DLC1: variants seen among roughly 807,000 people sequenced by gnomAD.
DLC1 encodes the protein DLC1 Rho GTPase activating protein.
Under a neutral mutation model 140.3 loss-of-function variants are expected in DLC1, and 54 were observed. That is an observed-to-expected ratio of 0.38 (90% CI 0.31 to 0.48). DLC1 has a LOEUF of 0.48. Among genes scored for constraint, DLC1 ranks in the 20% least tolerant of loss-of-function variants. DLC1 has a pLI of 0.96. For synonymous variants in DLC1, 986 were observed against 728.1 expected, an observed-to-expected ratio of 1.35 and a Z score of -5.70; for missense variants, 2,536 against 1,907.0, an observed-to-expected ratio of 1.33 and a Z score of -6.14.
chr8:13,539,847 G>C (rs2117328577), intron 1 of DLC1, among the ~76,000 whole-genome samples: 1 of 152,112 alleles, frequency 6.6e-6, no homozygotes, highest in East Asian at 1.9e-4. Flanking sequence ...TGAGAAGGGT[G>C]GGTGTAGGAC....
intron 4 of DLC1, among the ~76,000 whole-genome samples, chr8:13,314,404 T>A (rs1171485773): frequency 1.3e-5 from 2 of 151,280 alleles, no homozygotes; most frequent in African/African-American, 4.8e-5. Flanking sequence ...GTTTACAGTT[T>A]AACAGAATAG....
At chr8:13,347,801 C>G (rs998271477) in intron 4 of DLC1, among the ~76,000 whole-genome samples, 3 of 152,076 alleles carry the variant, frequency 2.0e-5, no homozygotes, top group African/African-American at 7.2e-5. Flanking sequence ...AGAGTAGAGG[C>G]CCTTAATCTT....
chr8:13,257,800 G>A (rs1022940265), intron 5 of DLC1, among the ~76,000 whole-genome samples: 1 of 151,412 alleles, frequency 6.6e-6, no homozygotes, highest in Non-Finnish European at 1.5e-5. Flanking sequence ...ATCCTAACCA[G>A]CTGTCCTTGC....
chr8:13,353,478 G>C (rs548517082), intron 4 of DLC1: 3 of 152,012 alleles, frequency 2.0e-5, no homozygotes, highest in African/African-American at 7.2e-5. Flanking sequence ...TATAGAATAT[G>C]ATTAGTTCTG....
intron 8 of DLC1, among the ~76,000 whole-genome samples, chr8:13,101,064 T>C (rs1405535054): frequency 6.6e-6 from 1 of 152,006 alleles, no homozygotes; most frequent in African/African-American, 2.4e-5. Flanking sequence ...CCCACTTACA[T>C]ATTCTTTTTC....
chr8:13,484,155 G>C (rs1800863861), intron 2 of DLC1, among the ~76,000 whole-genome samples: 1 of 152,128 alleles, frequency 6.6e-6, no homozygotes, highest in Non-Finnish European at 1.5e-5. Flanking sequence ...GAAGGGGTTA[G>C]GACCAAAGGC....
chr8:13,320,711 A>G (rs1184849593), intron 4 of DLC1, among the ~76,000 whole-genome samples: 1 of 152,038 alleles, frequency 6.6e-6, no homozygotes, highest in African/African-American at 2.4e-5. Context: ...TCCTGTGAGA[A>G]CGGGTTGTTG....
chr8:13,582,296 A>G (rs1408766088), intron 1 of DLC1, among the ~76,000 whole-genome samples: 2 of 152,198 alleles, frequency 1.3e-5, no homozygotes, highest in Admixed American at 6.5e-5. Flanking sequence ...CTAATATGGT[A>G]TAGGTACATG....
intron 2 of DLC1, among the ~76,000 whole-genome samples, chr8:13,457,989 A>G (rs1186088944): frequency 6.6e-6 from 1 of 152,202 alleles, no homozygotes; most frequent in East Asian, 1.9e-4. Context: ...TAGGTTCAAG[A>G]AGGACCAACA....
intron 5 of DLC1, among the ~76,000 whole-genome samples, chr8:13,131,756 G>T (rs1201943866): frequency 6.6e-6 from 1 of 152,132 alleles, no homozygotes; most frequent in African/African-American, 2.4e-5. Context: ...CACCCCTTTG[G>T]TGCAGATGAA....
At chr8:13,493,163 C>A (rs1255121401) in intron 2 of DLC1, among the ~76,000 whole-genome samples, 2 of 152,132 alleles carry the variant, frequency 1.3e-5, no homozygotes, top group African/African-American at 4.8e-5. Flanking sequence ...TCTCAACAGG[C>A]CTGTGTCATT....
intron 5 of DLC1, among the ~76,000 whole-genome samples, chr8:13,232,757 T>C (rs893339176): frequency 2.0e-5 from 3 of 152,234 alleles, no homozygotes; most frequent in Non-Finnish European, 4.4e-5. Flanking sequence ...CTTCATCAAT[T>C]CTGGAATTTT....
chr8:13,352,488 C>A (rs1289239967), intron 4 of DLC1, among the ~76,000 whole-genome samples: 1 of 152,016 alleles, frequency 6.6e-6, no homozygotes. Context: ...CTCAAGCAGT[C>A]CTCCCACCTC....
intron 5 of DLC1, among the ~76,000 whole-genome samples, chr8:13,181,359 T>C (rs931425332): frequency 2.0e-5 from 3 of 151,588 alleles, no homozygotes; most frequent in South Asian, 4.2e-4. Flanking sequence ...AGTAATACTT[T>C]AAGTTCTAGG....
At chr8:13,588,692 A>G (rs1051845811) in intron 1 of DLC1, among the ~76,000 whole-genome samples, 1 of 152,162 alleles carries the variant, frequency 6.6e-6, no homozygotes, top group African/African-American at 2.4e-5. Flanking sequence ...ATATAAGACA[A>G]TTCAGAAATT....
chr8:13,594,266 C>A (rs1205983493), intron 1 of DLC1, among the ~76,000 whole-genome samples: 2 of 152,020 alleles, frequency 1.3e-5, no homozygotes, highest in Non-Finnish European at 2.9e-5. Flanking sequence ...ACCTCATGAC[C>A]TTTTGAAGTA....
intron 5 of DLC1, among the ~76,000 whole-genome samples, chr8:13,160,537 C>T (rs1250618852): frequency 6.6e-6 from 1 of 152,218 alleles, no homozygotes; most frequent in African/African-American, 2.4e-5. Flanking sequence ...CTTTACTTCA[C>T]TCCATAAGGC....
chr8:13,392,247 T>G (rs1836795189), intron 4 of DLC1, among the ~76,000 whole-genome samples: 2 of 152,178 alleles, frequency 1.3e-5, no homozygotes, highest in Admixed American at 1.3e-4. Context: ...CTTACCTCCT[T>G]TTGCTGGAAT....
At chr8:13,600,046 T>G (rs766031910) in intron 1 of DLC1, among the ~76,000 whole-genome samples, 4 of 151,862 alleles carry the variant, frequency 2.6e-5, no homozygotes, top group Non-Finnish European at 4.4e-5. Context: ...GAAGTTGACA[T>G]GAATGGAGGT....
Sources: gnomAD v4.1 joint callset for allele counts (sites outside exome capture counted in the v4.1 genomes callset) on GRCh38, gnomAD v4.1.1 for gene constraint, MANE v1.5 for transcripts, NCBI Gene and HGNC (gene_info 2026-07-23, HGNC 2026-07-21) for gene names.